The following UPP2 variants were observed in gnomAD, a reference collection of about 807,000 sequenced individuals.
The protein encoded by UPP2 is uridine phosphorylase 2, also known as UPase 2.
UPP2 carries 23 observed loss-of-function variants against 26.7 expected under a neutral mutation model. That is an observed-to-expected ratio of 0.86 (90% CI 0.62 to 1.22). The LOEUF (loss-of-function observed/expected upper bound fraction) is 1.22. Among genes scored for constraint, UPP2 ranks in the 50% most tolerant of loss-of-function variants. The pLI is 0.00. For missense variants in UPP2, 387 were observed against 396.7 expected, an observed-to-expected ratio of 0.98 and a Z score of 0.21; for synonymous variants, 127 against 141.3, an observed-to-expected ratio of 0.90 and a Z score of 0.72.
At chr2:158,051,157 A>ATGTGTG (rs57745839) in intron 3 of UPP2, among the ~76,000 whole-genome samples, 5,561 of 144,940 alleles carry the variant, frequency 0.038, 152 homozygotes, top group African/African-American at 0.074. Flanking sequence ...CTCTAGGAAT[A>ATGTGTG]TGTGTGTGTG....
chr2:158,060,634 C>T (rs1162324797), intron 3 of UPP2, among the ~76,000 whole-genome samples: 2 of 152,096 alleles, frequency 1.3e-5, no homozygotes, highest in South Asian at 2.1e-4. Flanking sequence ...CCTCAAAATT[C>T]GTATGTTGAA....
chr2:158,108,594 C>T (rs894776031), intron 2 of UPP2, among the ~76,000 whole-genome samples: 6 of 150,972 alleles, frequency 4.0e-5, no homozygotes, highest in East Asian at 1.9e-4. Flanking sequence ...CTCTCACACA[C>T]GCACACACAC....
At chr2:158,058,424 T>TGTGTGC in intron 3 of UPP2, among the ~76,000 whole-genome samples, 1 of 144,884 alleles carries the variant, frequency 6.9e-6, no homozygotes, top group South Asian at 2.3e-4. Context: ...CCAACCTGTG[T>TGTGTGC]GTGTGTGTGT....
intron 2 of UPP2, among the ~76,000 whole-genome samples, chr2:158,001,467 A>G (rs2105462546): frequency 6.6e-6 from 1 of 152,198 alleles, no homozygotes; most frequent in African/African-American, 2.4e-5. Context: ...TTCTGCTCTC[A>G]CTATTCTACC....
intron 3 of UPP2, among the ~76,000 whole-genome samples, chr2:158,032,837 T>C (rs1287850387): frequency 6.6e-6 from 1 of 152,196 alleles, no homozygotes; most frequent in Non-Finnish European, 1.5e-5. Context: ...TTTTCATATC[T>C]GACAGGCAGC....
chr2:158,135,277 T>C lies in UPP2; in HGVS notation c.*387T>C, dbSNP rs2105237621. 1 of 158,302 alleles carries C rather than the reference T, an allele frequency of 6.3e-6. No homozygotes were observed. The highest frequency in any genetic ancestry group is 1.4e-5 in the Non-Finnish European group (1 of 71,768). 9.8% of individuals were successfully genotyped at this position (158,302 alleles called of 1,614,324 possible). ...ATGTTAGAACATTGTCAGGCACTTC[T>C]AGGTATTGGACAAGTGACAGAAACT... On this transcript the variant is annotated 3_prime_UTR_variant, in exon 7 of 7. Coordinates refer to ENST00000005756, the MANE Select transcript of UPP2 (RefSeq NM_173355.4).
intron 3 of UPP2, among the ~76,000 whole-genome samples, chr2:158,084,455 T>C (rs1682780934): frequency 6.6e-6 from 1 of 152,048 alleles, no homozygotes. Flanking sequence ...GGTTGTCTGT[T>C]TGCTGATTGT....
At chr2:158,014,431 T>A (rs1007011295) in intron 2 of UPP2, among the ~76,000 whole-genome samples, 1 of 152,204 alleles carries the variant, frequency 6.6e-6, no homozygotes, top group Admixed American at 6.5e-5. Context: ...ATTCTTCTTA[T>A]GGGCTTCCTT....
At chr2:158,064,498 A>C (rs561298268) in intron 3 of UPP2, among the ~76,000 whole-genome samples, 7 of 126,184 alleles carry the variant, frequency 5.5e-5, no homozygotes, top group African/African-American at 2.2e-4. Context: ...ACCCTTTGTC[A>C]GATGGATAGA....
Position 158,056,998 on chromosome 2 carries a change from A to G in UPP2, c.147+41112A>G, listed in dbSNP as rs575226504. On this transcript the variant is annotated intron_variant, in intron 3 of 9. Coordinates refer to the UPP2 transcript ENST00000605860. Reference sequence around the variant, plus strand: ...ACTCAACAAAATTGAGGACTACTGGATAGGTGTTTTGTAAGATGTCCCGTT... The same window carrying G: ...ACTCAACAAAATTGAGGACTACTGGGTAGGTGTTTTGTAAGATGTCCCGTT... Among the ~76,000 whole-genome samples the G allele has an allele frequency of 1.7e-3, 255 of 152,190 alleles. 2 individuals are homozygous for G. The highest frequency in any genetic ancestry group is 6.0e-3 in the African/African-American group (250 of 41,542).
Position 158,134,782 on chromosome 2 carries a change from C to T in UPP2, c.846C>T (p.Leu282=), listed in dbSNP as rs757678181. Reference sequence around the variant, plus strand: ...TCTGTGTGACACTTCTCGACAGACTCGACTGTGATCAGATCAACTTGCCTC... The same window carrying T: ...TCTGTGTGACACTTCTCGACAGACTTGACTGTGATCAGATCAACTTGCCTC... ...AVVCVTLLDR[L]DCDQINLPHD... is the part of the protein sequence containing the mutation. The change falls in exon 7 of 7, where the codon CTC becomes CTT. Residue 282 remains leucine (L), a synonymous_variant. Transcript: ENST00000005756. 5.0e-6 allele frequency: 8 copies of T among 1,612,920 alleles called. No homozygotes were observed. The highest frequency in any genetic ancestry group is 2.2e-5 in the East Asian group (1 of 44,776).
intron 3 of UPP2, among the ~76,000 whole-genome samples, chr2:158,041,140 G>C (rs1684076393): frequency 6.6e-6 from 1 of 152,108 alleles, no homozygotes; most frequent in African/African-American, 2.4e-5. Context: ...TCCAAGGATA[G>C]CTGATACTTT....
At chr2:158,074,376 G>C (rs535772729) in intron 3 of UPP2, among the ~76,000 whole-genome samples, 1 of 152,040 alleles carries the variant, frequency 6.6e-6, no homozygotes, top group Non-Finnish European at 1.5e-5. Context: ...TCAAGACATA[G>C]ACATTTCAAT....
intron 3 of UPP2, among the ~76,000 whole-genome samples, chr2:158,038,712 ACT>A (rs1164010106): frequency 6.6e-6 from 1 of 151,936 alleles, no homozygotes; most frequent in African/African-American, 2.4e-5. Flanking sequence ...AATTTTTTTT[ACT>A]CTCTCTGCTT....
intron 4 of UPP2, among the ~76,000 whole-genome samples, chr2:158,118,629 G>A (rs1257799789): frequency 6.6e-6 from 1 of 151,984 alleles, no homozygotes; most frequent in Non-Finnish European, 1.5e-5. Flanking sequence ...TCTTGTCAGG[G>A]TATGATTTTA....
chr2:158,023,978 A>C (rs1401732107), intron 3 of UPP2, among the ~76,000 whole-genome samples: 1 of 152,190 alleles, frequency 6.6e-6, no homozygotes, highest in Non-Finnish European at 1.5e-5. Context: ...TTCATATGTT[A>C]GGTCTCCAGT....
chr2:158,094,321 T>C (rs1682955452), intron 3 of UPP2, among the ~76,000 whole-genome samples: 1 of 151,936 alleles, frequency 6.6e-6, no homozygotes, highest in Non-Finnish European at 1.5e-5. Flanking sequence ...CTAATATATC[T>C]GTACCTTTAT....
At chr2:158,023,533 A>G (rs1683788031) in intron 3 of UPP2, among the ~76,000 whole-genome samples, 1 of 152,284 alleles carries the variant, frequency 6.6e-6, no homozygotes, top group South Asian at 2.1e-4. Context: ...CAGCAATAAC[A>G]CCTGAAGCCA....
chr2:158,038,450 C>T (rs751264676), intron 3 of UPP2, among the ~76,000 whole-genome samples: 4 of 152,168 alleles, frequency 2.6e-5, no homozygotes, highest in Non-Finnish European at 5.9e-5. Context: ...CTTTGTAGCA[C>T]ATGTTTGCTA....
Sources: allele counts gnomAD v4.1 joint callset (sites outside exome capture counted in the v4.1 genomes callset), GRCh38; gene constraint gnomAD v4.1.1; transcripts MANE v1.5; gene names NCBI Gene and HGNC (gene_info 2026-07-23, HGNC 2026-07-21).